The following PARPBP variants were observed in gnomAD, a reference collection of about 807,000 sequenced individuals.
PARPBP encodes PCNA-interacting partner.
A neutral mutation model predicts 50.0 loss-of-function variants in PARPBP; 52 were observed. The observed-to-expected ratio is 1.04, with a 90% CI of 0.83 to 1.31. The LOEUF (loss-of-function observed/expected upper bound fraction) is 1.31. PARPBP is among the 50% of genes most tolerant of loss of function. The pLI is 0.00. For missense variants in PARPBP, 697 were observed against 672.0 expected, an observed-to-expected ratio of 1.04 and a Z score of -0.41; for synonymous variants, 244 against 232.1, an observed-to-expected ratio of 1.05 and a Z score of -0.47.
chr12:102,120,592 G>A, intron 1 of PARPBP: 1 of 425,454 alleles, frequency 2.4e-6, no homozygotes, highest in Non-Finnish European at 4.8e-6. Context: ...GTCCCACTAT[G>A]TACACGGACT....
At chr12:102,148,183 C>G in intron 2 of PARPBP, 47 bp from the exon 3 acceptor site, 1 of 761,894 alleles carries the variant, frequency 1.3e-6, no homozygotes, top group Non-Finnish European at 2.1e-6. Context: ...ATTGAATATT[C>G]TGGTACCCAA....
chr12:102,142,462 A>G (rs1884759944), intron 2 of PARPBP, among the ~76,000 whole-genome samples: 1 of 152,062 alleles, frequency 6.6e-6, no homozygotes, highest in Non-Finnish European at 1.5e-5. Flanking sequence ...GTTTGTTATT[A>G]CCAATCGTCT....
intron 2 of PARPBP, among the ~76,000 whole-genome samples, chr12:102,130,732 G>A (rs769284522): frequency 1.3e-5 from 2 of 151,736 alleles, no homozygotes; most frequent in South Asian, 2.1e-4. Context: ...GCAGACGCCT[G>A]TAATCCCAGC....
At chr12:102,164,893 C>T (rs1162941595) in intron 5 of PARPBP, among the ~76,000 whole-genome samples, 1 of 152,076 alleles carries the variant, frequency 6.6e-6, no homozygotes, top group Non-Finnish European at 1.5e-5. Flanking sequence ...GTTAAATGTT[C>T]TTTGAATAAA....
chr12:102,182,530 T>A lies in PARPBP; in HGVS notation c.1185-19T>A. On this transcript the variant is annotated intron_variant, in intron 8 of 10. Coordinates refer to ENST00000327680, the MANE Select transcript of PARPBP (RefSeq NM_017915.5). The stretch of plus-strand genomic sequence containing the variant: ...CCAACCATAGCAATAAATTTTTGCC[T>A]TTTTTTTTTTTGACATAGGTCTCCC... 1 of 332,078 alleles carries A rather than the reference T, an allele frequency of 3.0e-6. No homozygotes were observed. The highest frequency in any genetic ancestry group is 4.1e-6 in the Non-Finnish European group (1 of 244,500). The allele number at this position is 332,078 out of a possible 1,614,324, so 20.6% of individuals were successfully genotyped here. A position where few individuals can be genotyped will look rare whatever the true frequency, so the allele number is the denominator to read the frequency against.
intron 9 of PARPBP, among the ~76,000 whole-genome samples, chr12:102,194,122 G>T (rs185369525): frequency 2.0e-5 from 3 of 151,918 alleles, no homozygotes; most frequent in Non-Finnish European, 4.4e-5. Flanking sequence ...CTTTTTCTAA[G>T]TCATAGTCAG....
At chr12:102,153,224 GC>G (rs1185769534) in intron 3 of PARPBP, among the ~76,000 whole-genome samples, 2 of 152,158 alleles carry the variant, frequency 1.3e-5, no homozygotes, top group African/African-American at 4.8e-5. Context: ...CCAATCAGCA[GC>G]AAGCCTAGCC....
chr12:102,193,198 C>G (rs1027876615), intron 9 of PARPBP, among the ~76,000 whole-genome samples: 18 of 151,602 alleles, frequency 1.2e-4, no homozygotes, highest in African/African-American at 3.9e-4. Context: ...TGACTATTTG[C>G]ATAGCAAGCA....
intron 2 of PARPBP, among the ~76,000 whole-genome samples, chr12:102,132,052 A>G (rs1882941028): frequency 6.6e-6 from 1 of 152,140 alleles, no homozygotes; most frequent in Non-Finnish European, 1.5e-5. Context: ...AAAAATACAC[A>G]AATTAGCCAG....
At chr12:102,172,530 T>A (rs577752239) in intron 6 of PARPBP, among the ~76,000 whole-genome samples, 8 of 152,196 alleles carry the variant, frequency 5.3e-5, no homozygotes, top group Non-Finnish European at 1.2e-4. Flanking sequence ...TAATGGTGGC[T>A]CTAGAAGTGA....
chr12:102,170,894 GTTTAA>G (rs1353976755), intron 6 of PARPBP, among the ~76,000 whole-genome samples: 1 of 113,828 alleles, frequency 8.8e-6, no homozygotes, highest in East Asian at 2.6e-4. Context: ...GCTTTTCTCT[GTTTAA>G]TTTTTCTTTT....
chr12:102,169,948 A>T (rs1022739029), intron 6 of PARPBP, among the ~76,000 whole-genome samples: 5 of 152,210 alleles, frequency 3.3e-5, no homozygotes, highest in Non-Finnish European at 5.9e-5. Context: ...GGAAAAGTTT[A>T]TACTACTTAT....
intron 4 of PARPBP, among the ~76,000 whole-genome samples, chr12:102,155,870 A>C (rs1886838153): frequency 6.6e-6 from 1 of 152,134 alleles, no homozygotes; most frequent in Non-Finnish European, 1.5e-5. Flanking sequence ...TGCTGCTCCC[A>C]AGCGGCTAAA....
chr12:102,130,868 A>C (rs116464286), intron 2 of PARPBP, among the ~76,000 whole-genome samples: 6 of 151,880 alleles, frequency 4.0e-5, no homozygotes, highest in Middle Eastern at 6.8e-3. Flanking sequence ...AAAAAAAAAA[A>C]CCTAAAAAAA....
chr12:102,148,667 G>T, intron 3 of PARPBP: 1 of 424,022 alleles, frequency 2.4e-6, no homozygotes. Flanking sequence ...TTGTGTTATT[G>T]TTATTTAGTT....
chr12:102,123,933 G>A lies in PARPBP; in HGVS notation c.45G>A (p.Glu15=). 6.5e-7 allele frequency: 1 copy of A among 1,535,376 alleles called. No individual in the cohort carries two copies. Residue 15 remains glutamate, a synonymous_variant, in exon 2 of 11, where the codon GAG becomes GAA. Coordinates refer to ENST00000327680, the MANE Select transcript of PARPBP (RefSeq NM_017915.5). ...NQKSVSDMIK[E]FRKNWRALCN... ...AGTCTGTCTCGGATATGATTAAAGAGTTTCGAAAAAATTGGCGTGCTCTTT... is the reference window on the plus strand; with the variant it reads ...AGTCTGTCTCGGATATGATTAAAGAATTTCGAAAAAATTGGCGTGCTCTTT...
At chr12:102,184,805 G>A (rs1463044525) in intron 9 of PARPBP, among the ~76,000 whole-genome samples, 1 of 152,016 alleles carries the variant, frequency 6.6e-6, no homozygotes, top group Non-Finnish European at 1.5e-5. Flanking sequence ...AGTATTTGTT[G>A]GAATAACAAA....
intron 9 of PARPBP, among the ~76,000 whole-genome samples, chr12:102,186,231 T>C (rs1890291344): frequency 6.6e-6 from 1 of 152,120 alleles, no homozygotes; most frequent in African/African-American, 2.4e-5. Flanking sequence ...GTCTAGCTAA[T>C]GGTTTGTTGA....
At chr12:102,186,359 AT>A (rs1202621272) in intron 9 of PARPBP, among the ~76,000 whole-genome samples, 2 of 151,272 alleles carry the variant, frequency 1.3e-5, no homozygotes, top group African/African-American at 2.4e-5. Context: ...TCTTCTACTA[AT>A]TTTGATTTTG....
Sources: allele counts gnomAD v4.1 joint callset (sites outside exome capture counted in the v4.1 genomes callset), GRCh38; gene constraint gnomAD v4.1.1; transcripts MANE v1.5; gene names NCBI Gene and HGNC (gene_info 2026-07-23, HGNC 2026-07-21).